Variants in CCDC191 observed in about 807,000 individuals in gnomAD.
The protein encoded by CCDC191 is coiled-coil domain-containing protein 191.
In CCDC191, 99 loss-of-function variants were observed where a neutral mutation model predicts 114.0. That is an observed-to-expected ratio of 0.87 (90% CI 0.74 to 1.03). CCDC191 has a LOEUF of 1.03. Among genes scored for constraint, CCDC191 ranks in the 50% least tolerant of loss-of-function variants. CCDC191 has a pLI of 0.00. For missense variants in CCDC191, 973 were observed against 1,087.0 expected (o/e 0.90, Z 1.47); for synonymous variants, 351 against 376.0 (o/e 0.93, Z 0.77).
At chr3:114,035,440 G>T (rs1337943233) in intron 5 of CCDC191, among the ~76,000 whole-genome samples, 6 of 152,116 alleles carry the variant, frequency 3.9e-5, no homozygotes, top group Non-Finnish European at 7.4e-5. Context: ...TCTCATTTAG[G>T]AATGATTTCT....
At chr3:114,032,625 A>T (rs565519538) in intron 6 of CCDC191, among the ~76,000 whole-genome samples, 1 of 152,324 alleles carries the variant, frequency 6.6e-6, no homozygotes, top group Admixed American at 6.5e-5. Context: ...GTGGAAACTA[A>T]AATGGAGAAA....
intron 16 of CCDC191, among the ~76,000 whole-genome samples, chr3:113,976,332 G>A (rs1354646601): frequency 6.6e-6 from 1 of 151,592 alleles, no homozygotes; most frequent in Admixed American, 6.6e-5. Context: ...AAAATGGGGA[G>A]GAAGACTGAT....
At chr3:113,982,486 C>A (rs1431832762) in intron 13 of CCDC191, among the ~76,000 whole-genome samples, 6 of 152,040 alleles carry the variant, frequency 3.9e-5, no homozygotes, top group Non-Finnish European at 8.8e-5. Context: ...TGAGATGGCA[C>A]TTATAGTGGG....
At chr3:113,993,793 G>A (rs540045973) in intron 13 of CCDC191, among the ~76,000 whole-genome samples, 1 of 152,248 alleles carries the variant, frequency 6.6e-6, no homozygotes, top group South Asian at 2.1e-4. Flanking sequence ...GCTGAGGTGG[G>A]AGAATCGCTT....
chr3:113,967,006 C>T (rs914211899), intron 16 of CCDC191, among the ~76,000 whole-genome samples: 13 of 151,822 alleles, frequency 8.6e-5, no homozygotes, highest in East Asian at 3.9e-4. Context: ...GGCTGAGGCA[C>T]GAGAATCACT....
chr3:114,041,840 A>T (rs2076565783), intron 4 of CCDC191, among the ~76,000 whole-genome samples: 1 of 152,170 alleles, frequency 6.6e-6, no homozygotes, highest in South Asian at 2.1e-4. Flanking sequence ...ATAAATCCTT[A>T]CACGTCAGCC....
At chr3:114,029,211 A>AT in intron 7 of CCDC191, among the ~76,000 whole-genome samples, 1 of 152,268 alleles carries the variant, frequency 6.6e-6, no homozygotes, top group East Asian at 1.9e-4. Flanking sequence ...CCAAAATAGG[A>AT]TGGAAGCATG....
chr3:113,974,558 G>A (rs928240281), intron 16 of CCDC191, among the ~76,000 whole-genome samples: 21 of 152,120 alleles, frequency 1.4e-4, no homozygotes, highest in Non-Finnish European at 2.9e-5. Context: ...CACCTCAGGT[G>A]ATCTGCCCAC....
intron 7 of CCDC191, among the ~76,000 whole-genome samples, chr3:114,029,852 T>A (rs909228719): frequency 6.6e-6 from 1 of 152,062 alleles, no homozygotes; most frequent in Admixed American, 6.5e-5. Context: ...CCAGTTCTCT[T>A]CAGAAATGGC....
intron 13 of CCDC191, among the ~76,000 whole-genome samples, chr3:113,988,481 C>A (rs997307172): frequency 6.6e-6 from 1 of 151,786 alleles, no homozygotes; most frequent in Non-Finnish European, 1.5e-5. Flanking sequence ...ACAAAATTAG[C>A]CAGGCGTGGT....
At chr3:114,022,581 G>A (rs1489962436) in intron 7 of CCDC191, among the ~76,000 whole-genome samples, 1 of 152,114 alleles carries the variant, frequency 6.6e-6, no homozygotes, top group African/African-American at 2.4e-5. Context: ...GTTGGCAAAG[G>A]CTGGAATGTC....
At chr3:114,034,834 T>C in intron 6 of CCDC191, 91 bp downstream of exon 6, 1 of 992,134 alleles carries the variant, frequency 1.0e-6, no homozygotes, top group Non-Finnish European at 1.5e-6. Context: ...TGTTTTGTTA[T>C]TGAATGTTTG....
chr3:113,988,626 CAAAA>C (rs887679387), intron 13 of CCDC191, among the ~76,000 whole-genome samples: 20 of 43,652 alleles, frequency 4.6e-4, no homozygotes, highest in Admixed American at 5.3e-4. Context: ...GACTCCATCT[CAAAA>C]AAAAAAAAAA....
At chr3:114,018,591 G>T in intron 8 of CCDC191, 87 bp downstream of exon 8, 1 of 1,010,604 alleles carries the variant, frequency 9.9e-7, no homozygotes. Context: ...TATTCTAGTT[G>T]GCATGTGTAA....
chr3:114,020,421 G>A (rs1165630786), intron 7 of CCDC191, among the ~76,000 whole-genome samples: 3 of 152,076 alleles, frequency 2.0e-5, no homozygotes, highest in African/African-American at 7.3e-5. Flanking sequence ...TTCTCATTAG[G>A]AGAAACCATG....
chr3:114,004,482 T>C, intron 11 of CCDC191, 155 bp downstream of exon 11: 1 of 1,383,980 alleles, frequency 7.2e-7, no homozygotes, highest in Non-Finnish European at 9.4e-7. Context: ...TCTGGTGTAC[T>C]CCACTCCTCA....
At chr3:113,997,583 AAC>A (rs886493804) in intron 13 of CCDC191, among the ~76,000 whole-genome samples, 1 of 152,204 alleles carries the variant, frequency 6.6e-6, no homozygotes, top group African/African-American at 2.4e-5. Context: ...GTGCCCAAAA[AAC>A]ACAAAATAAT....
rs555873971 is a variant in CCDC191, at chr3:113,980,528, A to T, written c.2307+122T>A. ...GTATCCAAAACAAATACACACATTC[A>T]ATTAATTTATCTTTCTGGCTTTAAA... On this transcript the variant is annotated intron_variant, in intron 14 of 16. Transcript: ENST00000295878. The T allele has an allele frequency of 4.4e-6, 4 of 915,928 alleles. No homozygotes were observed. The African/African-American group carries it at 7.0e-5, about 16-fold the overall frequency. The allele number at this position is 915,928 out of a possible 1,614,324, so 56.7% of individuals were successfully genotyped here. A position where few individuals can be genotyped will look rare whatever the true frequency, so the allele number is the denominator to read the frequency against.
At chr3:114,006,617 T>TATATATATATAA (rs1482068610) in intron 9 of CCDC191, among the ~76,000 whole-genome samples, 26 of 118,428 alleles carry the variant, frequency 2.2e-4, no homozygotes, top group African/African-American at 8.6e-4. Context: ...TATATATATA[T>TATATATATATAA]AAATATATAT....
Sources: gnomAD v4.1 joint callset for allele counts (sites outside exome capture counted in the v4.1 genomes callset) on GRCh38, gnomAD v4.1.1 for gene constraint, MANE v1.5 for transcripts, NCBI Gene and HGNC (gene_info 2026-07-23, HGNC 2026-07-21) for gene names.